SOCS6: variants seen among roughly 807,000 people sequenced by gnomAD.
SOCS6 encodes suppressor of cytokine signaling 6.
Under a neutral mutation model 27.7 loss-of-function variants are expected in SOCS6, and 5 were observed. The observed-to-expected ratio is 0.18, with a 90% confidence interval of 0.09 to 0.38. The LOEUF is 0.38. Ranked by LOEUF, SOCS6 falls within the 10% of genes least tolerant of loss-of-function variation. The probability of loss-of-function intolerance (pLI) is 1.00; values close to 1 mark genes in which losing one functional copy is unlikely to be tolerated. For synonymous variants in SOCS6, 271 were observed against 260.0 expected, an observed-to-expected ratio of 1.04 and a Z score of -0.41; for missense variants, 595 against 688.1, an observed-to-expected ratio of 0.86 and a Z score of 1.51.
intron 1 of SOCS6, among the ~76,000 whole-genome samples, chr18:70,289,970 G>T (rs2062291667): frequency 6.6e-6 from 1 of 152,176 alleles, no homozygotes; most frequent in South Asian, 2.1e-4. Flanking sequence ...CCAACTTAAC[G>T]TTCAGTTGGA....
intron 1 of SOCS6, among the ~76,000 whole-genome samples, chr18:70,291,239 T>G (rs956409843): frequency 4.6e-5 from 7 of 152,182 alleles, no homozygotes; most frequent in Non-Finnish European, 8.8e-5. Context: ...CCTGAGTAGC[T>G]TGGACCACAG....
intron 1 of SOCS6, among the ~76,000 whole-genome samples, chr18:70,318,870 A>G (rs958603995): frequency 2.0e-5 from 3 of 152,074 alleles, no homozygotes; most frequent in African/African-American, 7.2e-5. Context: ...TGAGAGACAG[A>G]GGTTTCAGTG....
intron 1 of SOCS6, among the ~76,000 whole-genome samples, chr18:70,290,349 C>T (rs796639910): frequency 6.6e-6 from 1 of 152,340 alleles, no homozygotes; most frequent in African/African-American, 2.4e-5. Flanking sequence ...CCAACTACCA[C>T]AACATTAAAT....
At chr18:70,302,686 A>G (rs574356822) in intron 1 of SOCS6, among the ~76,000 whole-genome samples, 1 of 152,184 alleles carries the variant, frequency 6.6e-6, no homozygotes, top group African/African-American at 2.4e-5. Flanking sequence ...GAGGGTCTTG[A>G]AAAGCTGGTA....
intron 1 of SOCS6, among the ~76,000 whole-genome samples, chr18:70,308,655 G>T (rs2062378613): frequency 6.6e-6 from 1 of 152,080 alleles, no homozygotes; most frequent in African/African-American, 2.4e-5. Context: ...TTATGAAATT[G>T]GCTTTTTGAA....
At chr18:70,304,973 G>A (rs1251037703) in intron 1 of SOCS6, among the ~76,000 whole-genome samples, 4 of 152,136 alleles carry the variant, frequency 2.6e-5, no homozygotes, top group African/African-American at 9.7e-5. Flanking sequence ...TTGGGATGCC[G>A]AGGTGGGCGG....
intron 1 of SOCS6, among the ~76,000 whole-genome samples, chr18:70,293,418 GC>G (rs1438435048): frequency 1.3e-5 from 2 of 152,100 alleles, no homozygotes. Context: ...AGACTGACTG[GC>G]AGTGTAGACG....
chr18:70,302,782 T>A (rs575149166), intron 1 of SOCS6, among the ~76,000 whole-genome samples: 84 of 151,748 alleles, frequency 5.5e-4, no homozygotes, highest in African/African-American at 1.9e-3. Context: ...AAAAAAAAAA[T>A]TTAAGTCAGA....
intron 1 of SOCS6, among the ~76,000 whole-genome samples, chr18:70,319,328 G>A (rs932879589): frequency 2.0e-5 from 3 of 152,082 alleles, no homozygotes; most frequent in African/African-American, 4.8e-5. Flanking sequence ...GATTTACAAC[G>A]CTATTAACTT....
At chr18:70,296,906 C>CTTTTTTTTTTTTTTTTTTTTTTT (rs375704179) in intron 1 of SOCS6, among the ~76,000 whole-genome samples, 2 of 129,156 alleles carry the variant, frequency 1.5e-5, no homozygotes, top group Non-Finnish European at 3.1e-5. Context: ...CATTTTCTTT[C>CTTTTTTTTTTTTTTTTTTTTTTT]TTTTTTTTTT....
intron 1 of SOCS6, among the ~76,000 whole-genome samples, chr18:70,302,346 C>T (rs192021467): frequency 2.2e-4 from 31 of 143,510 alleles, no homozygotes; most frequent in Admixed American, 1.4e-3. Context: ...GAGAGTGTTC[C>T]AGGGGTGGAG....
At chr18:70,289,299 G>A (rs910942031) in intron 1 of SOCS6, among the ~76,000 whole-genome samples, 1 of 149,166 alleles carries the variant, frequency 6.7e-6, no homozygotes, top group Non-Finnish European at 1.5e-5. Flanking sequence ...GCGGGTGCGC[G>A]GGCGGGGGCC....
intron 1 of SOCS6, among the ~76,000 whole-genome samples, chr18:70,318,008 C>A (rs1033988214): frequency 1.6e-4 from 24 of 152,164 alleles, no homozygotes; most frequent in Admixed American, 7.2e-4. Context: ...CACACACTAT[C>A]ACACCCAGCT....
Position 70,308,276 on chromosome 18 carries a change from C to T in SOCS6, c.-126-16267C>T, listed in dbSNP as rs147975784. 4.2e-3 allele frequency among the ~76,000 whole-genome samples: 646 copies of T among 152,234 alleles called. 9 individuals carry two copies. The highest frequency in any genetic ancestry group is 0.014 in the African/African-American group (589 of 41,520). ...TGTCACCCAGACTGGAGTGCAGTGG[C>T]GTAATCATGGACAAGATGCAGCCTC... On this transcript the variant is annotated intron_variant, in intron 1 of 1. Transcript: ENST00000397942.
At chr18:70,295,066 A>C (rs904362632) in intron 1 of SOCS6, among the ~76,000 whole-genome samples, 1 of 152,226 alleles carries the variant, frequency 6.6e-6, no homozygotes, top group Admixed American at 6.5e-5. Flanking sequence ...TAATGGTGTC[A>C]TTATGCCATC....
intron 1 of SOCS6, among the ~76,000 whole-genome samples, chr18:70,308,489 T>C (rs527855412): frequency 6.6e-6 from 1 of 152,318 alleles, no homozygotes; most frequent in South Asian, 2.1e-4. Flanking sequence ...CCCAAAATTC[T>C]GGGATTACAG....
chr18:70,305,459 CTCTG>C (rs1056718656), intron 1 of SOCS6, among the ~76,000 whole-genome samples: 1 of 152,230 alleles, frequency 6.6e-6, no homozygotes, highest in Admixed American at 6.5e-5. Context: ...GTATGCCAGT[CTCTG>C]TGTCAGCAGC....
At chr18:70,317,572 CACACACA>C (rs1407991955) in intron 1 of SOCS6, among the ~76,000 whole-genome samples, 1 of 146,664 alleles carries the variant, frequency 6.8e-6, no homozygotes, top group African/African-American at 2.4e-5. Context: ...CACACACACA[CACACACA>C]CACCACATTT....
chr18:70,305,025 T>C (rs1023042547), intron 1 of SOCS6, among the ~76,000 whole-genome samples: 19 of 152,092 alleles, frequency 1.2e-4, no homozygotes, highest in African/African-American at 4.3e-4. Flanking sequence ...GCCAACATGG[T>C]GAAACCCAGT....
Sources: allele counts gnomAD v4.1 joint callset (sites outside exome capture counted in the v4.1 genomes callset), GRCh38; gene constraint gnomAD v4.1.1; transcripts MANE v1.5; gene names NCBI Gene and HGNC (gene_info 2026-07-23, HGNC 2026-07-21).